The following SLFN14 variants were observed in gnomAD, a reference collection of about 807,000 sequenced individuals.
SLFN14 encodes protein SLFN14.
SLFN14 carries 47 observed loss-of-function variants against 58.6 expected under a neutral mutation model. The observed-to-expected ratio is 0.80, with a 90% CI of 0.64 to 1.02. SLFN14 has a LOEUF of 1.02. Ranked by LOEUF, SLFN14 falls within the 50% of genes least tolerant of loss-of-function variation. The probability of loss-of-function intolerance (pLI) is 0.00; values close to 1 mark genes in which losing one functional copy is unlikely to be tolerated. For synonymous variants in SLFN14, 390 were observed against 387.3 expected (o/e 1.01, Z -0.08); for missense variants, 967 against 1,078.4 (o/e 0.90, Z 1.45).
Position 35,548,392 on chromosome 17 carries a change from T to TA in SLFN14, c.2585dup (p.Leu862PhefsTer19). 1 of 1,551,746 alleles carries TA rather than the reference T, an allele frequency of 6.4e-7. No individual in the cohort carries two copies. Among genetic ancestry groups the TA allele is most frequent in the South Asian group, 1.2e-5 (1 of 84,064 alleles). ...GGCCTGAAAATTGCTGAATACTGTCTAAAACAATGTGACTTCCCCAAACAC... is the reference window on the plus strand; with the variant it reads ...GGCCTGAAAATTGCTGAATACTGTCTAAAAACAATGTGACTTCCCCAAACAC... On this transcript the variant is annotated frameshift_variant, in exon 6 of 6. Coordinates refer to ENST00000674182, the MANE Select transcript of SLFN14 (RefSeq NM_001129820.2). LOFTEE classifies it high-confidence loss of function.
At chr17:35,551,410 A>G (rs1348955885) in intron 5 of SLFN14, among the ~76,000 whole-genome samples, 1 of 152,126 alleles carries the variant, frequency 6.6e-6, no homozygotes, top group Non-Finnish European at 1.5e-5. Flanking sequence ...TTCAGAATCT[A>G]TATGCTTCCT....
rs537046346 is a variant in SLFN14, at chr17:35,550,561, A to G, written c.1905-1488T>C. 4.6e-5 allele frequency among the ~76,000 whole-genome samples: 7 copies of G among 152,314 alleles called. No homozygotes were observed. The East Asian group carries it at 9.6e-4, about 21-fold the overall frequency. ...ACTCCGTCTCAAAAATAAATTAATT[A>G]ATTAGTTAATTAAAATGAGCATGTC... On this transcript the variant is annotated intron_variant, in intron 5 of 5. Transcript: ENST00000674182.
rs546533372 is a variant in SLFN14, at chr17:35,556,373, G to C, written c.1060+630C>G. 7.2e-5 allele frequency among the ~76,000 whole-genome samples: 11 copies of C among 152,276 alleles called. No individual in the cohort carries two copies. In the South Asian group the frequency reaches 2.3e-3, roughly 32 times the overall value. The stretch of plus-strand genomic sequence containing the variant: ...TCTAGAATATCATCTCTAAAATGAG[G>C]CTATTCCAATTTTGACTGGGATGAT... On this transcript the variant is annotated intron_variant, in intron 3 of 5. Transcript: ENST00000674182.
chr17:35,555,110 C>A (rs2072638763), intron 3 of SLFN14, among the ~76,000 whole-genome samples: 1 of 152,138 alleles, frequency 6.6e-6, no homozygotes, highest in Non-Finnish European at 1.5e-5. Context: ...TGATGGCTCA[C>A]ACCTGTAATC....
At chr17:35,551,315 T>C (rs1445837979) in intron 5 of SLFN14, among the ~76,000 whole-genome samples, 1 of 152,196 alleles carries the variant, frequency 6.6e-6, no homozygotes, top group Non-Finnish European at 1.5e-5. Flanking sequence ...ATCAGGTGGG[T>C]AACTCTTCCC....
At chr17:35,556,925 A>G in intron 3 of SLFN14, 78 bp downstream of exon 3, 1 of 1,283,518 alleles carries the variant, frequency 7.8e-7, no homozygotes, top group Non-Finnish European at 1.1e-6. Context: ...TAACTAACAT[A>G]TGTGATCAAA....
At position 35,552,936 on chromosome 17, in the gene SLFN14, T is replaced by C. The variant is rs1286134788; in HGVS notation, c.1698A>G (p.Glu566=). Reference sequence around the variant, plus strand: ...GCTCCATTATGAGCAAGTTGAAAAATTCACAGCCCATCTGGTCACTCAGAA... The same window carrying C: ...GCTCCATTATGAGCAAGTTGAAAAACTCACAGCCCATCTGGTCACTCAGAA... ...RSLLSDQMGC[E]FFNLLIMEQS... Residue 566 remains glutamate, a synonymous_variant, in exon 5 of 6, where the codon GAA becomes GAG. Transcript: ENST00000674182. 26 of 1,551,292 alleles carry C rather than the reference T, an allele frequency of 1.7e-5. No homozygotes were observed. Among genetic ancestry groups the C allele is most frequent in the Non-Finnish European group, 1.4e-5 (16 of 1,146,964 alleles).
chr17:35,556,818 G>A (rs1378038123), intron 3 of SLFN14, among the ~76,000 whole-genome samples, 185 bp downstream of exon 3: 1 of 152,120 alleles, frequency 6.6e-6, no homozygotes, highest in African/African-American at 2.4e-5. Context: ...AACATTTCTT[G>A]ACCTCAGTTT....
Position 35,557,810 on chromosome 17 carries a change from G to A in SLFN14, c.253C>T (p.Gln85Ter). The A allele has an allele frequency of 6.4e-7, 1 of 1,551,716 alleles. No individual in the cohort carries two copies. The highest frequency in any genetic ancestry group is 8.7e-7 in the Non-Finnish European group (1 of 1,147,000). The change falls in exon 3 of 6, where the codon CAA becomes TAA. Residue 85 changes from glutamine (Q) to a stop codon, truncating the protein, a stop_gained. Transcript: ENST00000674182. LOFTEE classifies it high-confidence loss of function. The stretch of plus-strand genomic sequence containing the variant: ...TGTGAACCTGAAGGAAGGAGCTTTT[G>A]AAAAGAAGTTTCCAAATCCTGTCCC... Reference protein sequence around the residue: ...GLGQDLETSFQKLLPSGSQKY... With the variant: ...GLGQDLETSF
At chr17:35,554,773 C>CT (rs2072634640) in intron 3 of SLFN14, 69 bp from the exon 4 acceptor site, 28 of 1,117,372 alleles carry the variant, frequency 2.5e-5, no homozygotes, top group African/African-American at 5.0e-5. Context: ...AAAAAAGCCT[C>CT]TTTTTTTGGC....
rs955890537 is a variant in SLFN14 at position 35,558,085 on chromosome 17, A to G, written c.-23T>C. 2.6e-6 allele frequency: 4 copies of G among 1,534,990 alleles called. No individual in the cohort carries two copies. Among genetic ancestry groups the G allele is most frequent in the Non-Finnish European group, 2.6e-6 (3 of 1,138,504 alleles). Reference sequence around the variant, plus strand: ...CATTTCAGCAGCCCCTCTGTGCTCCAAACAATAAAAGAAAGGAGTTCCTAT... The same window carrying G: ...CATTTCAGCAGCCCCTCTGTGCTCCGAACAATAAAAGAAAGGAGTTCCTAT... On this transcript the variant is annotated 5_prime_UTR_variant, in exon 3 of 6. Transcript: ENST00000674182.
rs2072672435 is a variant in SLFN14 at position 35,558,226 on chromosome 17, T to C, written c.-44-120A>G. On this transcript the variant is annotated intron_variant, in intron 2 of 5. Transcript: ENST00000674182. ...TAATGTTGGAAGTCATCTCTCTCTA[T>C]ATGTATATTTGTTGTTGTTGTTTGT... is the stretch of plus-strand genomic sequence containing the variant. The C allele has an allele frequency of 4.3e-6, 3 of 698,458 alleles. No homozygotes were observed. The South Asian group carries it at 6.3e-5, about 15-fold the overall frequency. The allele number at this position is 698,458 out of a possible 1,614,324, so 43.3% of individuals were successfully genotyped here. A position where few individuals can be genotyped will look rare whatever the true frequency, so the allele number is the denominator to read the frequency against.
At chr17:35,552,118 T>TG (rs1469192375) in intron 5 of SLFN14, among the ~76,000 whole-genome samples, 7 of 152,154 alleles carry the variant, frequency 4.6e-5, no homozygotes, top group Non-Finnish European at 1.0e-4. Flanking sequence ...TGCTAGCCCA[T>TG]GCTCCAATGT....
At chr17:35,552,646 A>G in intron 5 of SLFN14, 84 bp downstream of exon 5, 1 of 477,770 alleles carries the variant, frequency 2.1e-6, no homozygotes, top group South Asian at 3.9e-5. Flanking sequence ...ACATATATAT[A>G]TACACATATA....
intron 3 of SLFN14, 192 bp from the exon 4 acceptor site, chr17:35,554,896 A>G (rs2072636398): frequency 2.8e-6 from 1 of 361,996 alleles, no homozygotes; most frequent in East Asian, 4.2e-5. Flanking sequence ...TACAGGGGAC[A>G]TATCACACAT....
chr17:35,549,862 T>C (rs2072569118), intron 5 of SLFN14, among the ~76,000 whole-genome samples: 1 of 152,200 alleles, frequency 6.6e-6, no homozygotes, highest in Non-Finnish European at 1.5e-5. Context: ...TGGACTCAAA[T>C]AAAAGTACTG....
chr17:35,552,728 A>G lies in SLFN14; in HGVS notation c.1904+2T>C. ...TGTGTGTGTAGTTGGTAAAACTCTT[A>G]CGTCACAAAATCCTTTAGGGAGTCG... On this transcript the variant is annotated splice_donor_variant, in intron 5 of 5. Coordinates refer to ENST00000674182, the MANE Select transcript of SLFN14 (RefSeq NM_001129820.2). LOFTEE classifies it high-confidence loss of function. 1 of 1,539,038 alleles carries G rather than the reference A, an allele frequency of 6.5e-7. No individual in the cohort carries two copies. The highest frequency in any genetic ancestry group is 8.7e-7 in the Non-Finnish European group (1 of 1,142,864).
At chr17:35,553,520 A>T in intron 4 of SLFN14, 76 bp from the exon 5 acceptor site, 1 of 1,147,616 alleles carries the variant, frequency 8.7e-7, no homozygotes, top group Non-Finnish European at 1.2e-6. Flanking sequence ...TTGCAGAAAA[A>T]AATGATACCT....
At position 35,560,779 on chromosome 17, in the gene SLFN14, G is replaced by A; in HGVS notation, c.-136C>T. On this transcript the variant is annotated 5_prime_UTR_variant, in exon 1 of 6. Coordinates refer to ENST00000674182, the MANE Select transcript of SLFN14 (RefSeq NM_001129820.2). ...TTTTTTTTTTTACCTATGCTCCTGT[G>A]TTTCCTCTTGCTGCTTCAGTTTCAC... Among the ~76,000 whole-genome samples the A allele has an allele frequency of 7.7e-6, 1 of 129,276 alleles. No homozygotes were observed. Among genetic ancestry groups the A allele is most frequent in the Non-Finnish European group, 1.6e-5 (1 of 62,256 alleles). 84.8% of individuals were successfully genotyped at this position (129,276 alleles called of 152,430 possible). A position where few individuals can be genotyped will look rare whatever the true frequency, so the allele number is the denominator to read the frequency against.
Sources: gnomAD v4.1 joint callset for allele counts (sites outside exome capture counted in the v4.1 genomes callset) on GRCh38, gnomAD v4.1.1 for gene constraint, MANE v1.5 for transcripts, NCBI Gene and HGNC (gene_info 2026-07-23, HGNC 2026-07-21) for gene names.